ASXL2: variants seen among roughly 807,000 people sequenced by gnomAD.
ASXL2 encodes the protein ASXL transcriptional regulator 2.
A neutral mutation model predicts 122.0 loss-of-function variants in ASXL2; 23 were observed. That is an observed-to-expected ratio of 0.19 (90% CI 0.14 to 0.27). The LOEUF is 0.27. ASXL2 is among the 10% of genes least tolerant of loss of function. The pLI is 1.00. For missense variants in ASXL2, 1,518 were observed against 1,713.8 expected (o/e 0.89, Z 2.02); for synonymous variants, 650 against 637.0 (o/e 1.02, Z -0.31).
intron 11 of ASXL2, among the ~76,000 whole-genome samples, chr2:25,752,130 T>C (rs1296939904): frequency 3.3e-5 from 5 of 152,154 alleles, no homozygotes; most frequent in African/African-American, 1.2e-4. Context: ...GTGAAGGAGA[T>C]GGATAAATAC....
In ASXL2 at chr2:25,840,281, C is replaced by A. The variant is rs542656746; in HGVS notation, c.141-4741G>T. ...TTTGGATAAATGATTTCCAATCTTACCACCTAACTTCTTAAAGGGGCTAGT... is the reference window on the plus strand; with the variant it reads ...TTTGGATAAATGATTTCCAATCTTAACACCTAACTTCTTAAAGGGGCTAGT... On this transcript the variant is annotated intron_variant, in intron 2 of 12. Coordinates refer to ENST00000435504, the MANE Select transcript of ASXL2 (RefSeq NM_018263.6). 4.6e-5 allele frequency among the ~76,000 whole-genome samples: 7 copies of A among 152,294 alleles called. No homozygotes were observed. In the South Asian group the frequency reaches 8.3e-4, roughly 18 times the overall value.
intron 3 of ASXL2, among the ~76,000 whole-genome samples, chr2:25,825,726 T>C (rs1348325201): frequency 6.6e-6 from 1 of 152,220 alleles, no homozygotes; most frequent in Non-Finnish European, 1.5e-5. Flanking sequence ...CTTTGGCTAC[T>C]GTGAATCACG....
chr2:25,759,543 G>A lies in ASXL2; in HGVS notation c.878C>T (p.Ser293Leu). ...LRALINKHTF[S>L]VLPGDCQQRL... ...TTGCTGGCAATCTCCAGGAAGGACT[G>A]AAAATGTGTGCTTGTTGATCAGTGC... Residue 293 changes from serine (S) to leucine (L), a missense_variant, in exon 9 of 13, where the codon TCA (serine) becomes TTA (leucine). Around this residue, in one of 8 missense-constraint regions of ASXL2, gnomAD observed 92 missense variants for 156.6 expected, o/e 0.59. Transcript: ENST00000435504. The A allele has an allele frequency of 6.2e-7, 1 of 1,613,990 alleles. No homozygotes were observed. The highest frequency in any genetic ancestry group is 8.5e-7 in the Non-Finnish European group (1 of 1,179,884).
chr2:25,796,198 T>C (rs1429546820), intron 5 of ASXL2, among the ~76,000 whole-genome samples: 1 of 152,240 alleles, frequency 6.6e-6, no homozygotes, highest in East Asian at 1.9e-4. Flanking sequence ...ACTATTTTTC[T>C]AATATAGGCA....
intron 3 of ASXL2, among the ~76,000 whole-genome samples, chr2:25,808,568 G>C (rs902105059): frequency 2.0e-5 from 3 of 152,158 alleles, no homozygotes; most frequent in Non-Finnish European, 4.4e-5. Context: ...CTGACCTCAG[G>C]TGATCTGCCC....
At chr2:25,794,817 G>A (rs1318038968) in intron 5 of ASXL2, among the ~76,000 whole-genome samples, 3 of 152,052 alleles carry the variant, frequency 2.0e-5, no homozygotes, top group Admixed American at 6.6e-5. Flanking sequence ...GTAAAGGCCC[G>A]AAATAAGAAA....
chr2:25,846,223 A>T (rs1327814626), intron 1 of ASXL2, among the ~76,000 whole-genome samples: 1 of 152,180 alleles, frequency 6.6e-6, no homozygotes, highest in Non-Finnish European at 1.5e-5. Flanking sequence ...AGGGAGAGAA[A>T]ATTATCTGGG....
chr2:25,749,611 A>C, intron 12 of ASXL2, 85 bp downstream of exon 12: 1 of 1,102,578 alleles, frequency 9.1e-7, no homozygotes, highest in Admixed American at 3.3e-5. Flanking sequence ...AAGAACTACC[A>C]CAATTTACTT....
At chr2:25,790,830 G>GTC (rs1159364252) in intron 5 of ASXL2, among the ~76,000 whole-genome samples, 4 of 143,632 alleles carry the variant, frequency 2.8e-5, no homozygotes, top group Non-Finnish European at 6.0e-5. Flanking sequence ...TTGAGACAGG[G>GTC]TCTCTCTCTG....
intron 4 of ASXL2, among the ~76,000 whole-genome samples, chr2:25,802,348 T>C (rs2089012854): frequency 6.6e-6 from 1 of 152,228 alleles, no homozygotes; most frequent in South Asian, 2.1e-4. Flanking sequence ...CTCTTTACAG[T>C]CTCTATAGTG....
At chr2:25,747,986 G>A (rs1559499689) in intron 12 of ASXL2, among the ~76,000 whole-genome samples, 1 of 151,950 alleles carries the variant, frequency 6.6e-6, no homozygotes, top group African/African-American at 2.4e-5. Context: ...GGCCAACACG[G>A]TGAGACCCCT....
rs115321082 is a variant in ASXL2 at position 25,856,623 on chromosome 2, G to A, written c.58-11060C>T. On this transcript the variant is annotated intron_variant, in intron 1 of 12. Transcript: ENST00000435504. Reference sequence around the variant, plus strand: ...TGTGCAGAGCCCCACCACAAGGTCAGCAATGAAAATGTCCTCAGTCTCCCC... The same window carrying A: ...TGTGCAGAGCCCCACCACAAGGTCAACAATGAAAATGTCCTCAGTCTCCCC... The A allele has an allele frequency of 6.8e-4, 838 of 1,239,276 alleles. 6 individuals are homozygous for A. The African/African-American group carries it at 0.011, about 16-fold the overall frequency. 76.8% of individuals were successfully genotyped at this position (1,239,276 alleles called of 1,614,324 possible). A position where few individuals can be genotyped will look rare whatever the true frequency, so the allele number is the denominator to read the frequency against.
chr2:25,759,757 A>G, intron 8 of ASXL2, 112 bp from the exon 9 acceptor site: 6 of 1,108,326 alleles, frequency 5.4e-6, no homozygotes, highest in Non-Finnish European at 7.6e-6. Flanking sequence ...TTTAAATATC[A>G]CACTACGAAG....
At chr2:25,762,665 GAAAAAAAAAAAA>G (rs60065368) in intron 8 of ASXL2, among the ~76,000 whole-genome samples, 14 of 34,256 alleles carry the variant, frequency 4.1e-4, no homozygotes, top group African/African-American at 1.9e-3. Context: ...ACTCTTTCTC[GAAAAAAAAAAAA>G]AAAAAAAAAA....
Position 25,742,014 on chromosome 2 carries a change from C to G in ASXL2, c.*15G>C. On this transcript the variant is annotated 3_prime_UTR_variant, in exon 13 of 13. Transcript: ENST00000435504. ...CCCTTCCCCCTCCTTTACAGTGTAT[C>G]TCTTTCTAGTCTCATTACCGAACGA... 1 of 1,601,076 alleles carries G rather than the reference C, an allele frequency of 6.2e-7. No individual in the cohort carries two copies. Among genetic ancestry groups the G allele is most frequent in the Non-Finnish European group, 8.5e-7 (1 of 1,171,692 alleles).
chr2:25,877,615 G>C (rs1316592376), intron 1 of ASXL2, among the ~76,000 whole-genome samples: 2 of 152,058 alleles, frequency 1.3e-5, no homozygotes, highest in Non-Finnish European at 2.9e-5. Context: ...CTGCACTTTC[G>C]GCTCCAACAC....
At chr2:25,782,445 C>T (rs2088660807) in intron 5 of ASXL2, among the ~76,000 whole-genome samples, 1 of 152,068 alleles carries the variant, frequency 6.6e-6, no homozygotes, top group Non-Finnish European at 1.5e-5. Flanking sequence ...ACTCAGGAAG[C>T]TGAGGCAGGA....
In ASXL2 at chr2:25,743,631, G is replaced by C; in HGVS notation, c.2706C>G (p.Pro902=). The part of the protein sequence containing the change: ...TTATLEKLPV[P]QVSATTAPAG... Reference sequence around the variant, plus strand: ...CAGGTGCTGTAGTTGCACTGACCTGGGGTACAGGAAGCTTTTCTAAAGTGG... The same window carrying C: ...CAGGTGCTGTAGTTGCACTGACCTGCGGTACAGGAAGCTTTTCTAAAGTGG... Residue 902 remains proline (P), a synonymous_variant, in exon 13 of 13, where the codon CCC becomes CCG. Transcript: ENST00000435504. 6.2e-7 allele frequency: 1 copy of C among 1,613,990 alleles called. No individual in the cohort carries two copies. Among genetic ancestry groups the C allele is most frequent in the South Asian group, 1.1e-5 (1 of 91,090 alleles).
chr2:25,825,445 T>C (rs983826177), intron 3 of ASXL2, among the ~76,000 whole-genome samples: 2 of 152,168 alleles, frequency 1.3e-5, no homozygotes, highest in Non-Finnish European at 2.9e-5. Context: ...ACAGCAACCA[T>C]CTTCCCCTGC....
Sources: gnomAD v4.1 joint callset for allele counts (sites outside exome capture counted in the v4.1 genomes callset) on GRCh38, gnomAD v4.1.1 for gene constraint, gnomAD v4.1.1 regional missense constraint, MANE v1.5 for transcripts, NCBI Gene and HGNC (gene_info 2026-07-23, HGNC 2026-07-21) for gene names.